The following BLNK variants were observed in gnomAD, a reference collection of about 807,000 sequenced individuals.
The protein encoded by BLNK is B cell linker.
Under a neutral mutation model 73.5 loss-of-function variants are expected in BLNK, and 29 were observed. The observed-to-expected ratio is 0.39, with a 90% CI of 0.29 to 0.54. The LOEUF (loss-of-function observed/expected upper bound fraction) is 0.54. Ranked by LOEUF, BLNK falls within the 20% of genes least tolerant of loss-of-function variation. The probability of loss-of-function intolerance (pLI) is 0.61; values close to 1 mark genes in which losing one functional copy is unlikely to be tolerated. For synonymous variants in BLNK, 176 were observed against 200.8 expected (o/e 0.88, Z 1.04); for missense variants, 460 against 562.8 (o/e 0.82, Z 1.85).
At chr10:96,203,064 C>T (rs2083689329) in intron 13 of BLNK, among the ~76,000 whole-genome samples, 1 of 152,194 alleles carries the variant, frequency 6.6e-6, no homozygotes, top group Non-Finnish European at 1.5e-5. Context: ...TTTTTACTCT[C>T]TGTCTCCTTC....
intron 3 of BLNK, among the ~76,000 whole-genome samples, chr10:96,236,011 A>G (rs1192678193): frequency 6.6e-6 from 1 of 152,088 alleles, no homozygotes; most frequent in African/African-American, 2.4e-5. Flanking sequence ...GAAAGACGAA[A>G]GCTGATCCAG....
intron 6 of BLNK, among the ~76,000 whole-genome samples, chr10:96,218,536 A>G (rs1414493696): frequency 6.6e-6 from 1 of 152,152 alleles, no homozygotes; most frequent in Non-Finnish European, 1.5e-5. Context: ...TACAAAAAAT[A>G]TAGAAAAATT....
chr10:96,230,328 G>A (rs186435900), intron 4 of BLNK, among the ~76,000 whole-genome samples: 1 of 152,252 alleles, frequency 6.6e-6, no homozygotes, highest in Admixed American at 6.5e-5. Flanking sequence ...GGAACTGCAA[G>A]TGACTGAAAC....
intron 5 of BLNK, among the ~76,000 whole-genome samples, chr10:96,227,183 A>G (rs954887401): frequency 6.6e-6 from 1 of 152,100 alleles, no homozygotes; most frequent in Non-Finnish European, 1.5e-5. Context: ...GCCTGCTTTC[A>G]ATGTTCCCAA....
intron 1 of BLNK, among the ~76,000 whole-genome samples, chr10:96,250,415 GGAGA>G (rs71486790): frequency 5.1e-4 from 73 of 143,496 alleles, no homozygotes; most frequent in African/African-American, 1.1e-3. Context: ...AGAGAGAGGG[GGAGA>G]GAGAGAGAGA....
At chr10:96,245,161 T>C (rs1399225365) in intron 2 of BLNK, among the ~76,000 whole-genome samples, 1 of 152,046 alleles carries the variant, frequency 6.6e-6, no homozygotes, top group Non-Finnish European at 1.5e-5. Context: ...TGTTTGATGA[T>C]GATCACTTAT....
rs901452552 is a variant in BLNK at position 96,192,123 on chromosome 10, T to G, written c.1252-31A>C. The G allele has an allele frequency of 4.3e-6, 7 of 1,612,308 alleles. No individual in the cohort carries two copies. In the Admixed American group the frequency reaches 8.3e-5, roughly 19 times the overall value. The stretch of plus-strand genomic sequence containing the variant: ...GGAAGAAAACATAGATGAATTATAC[T>G]TTGGCATTTGTGTTAAATTTGAGCT... On this transcript the variant is annotated intron_variant, in intron 16 of 16. Transcript: ENST00000224337.
rs587644623 is a variant in BLNK, at chr10:96,190,623, A to G, written c.*1350T>C. Among the ~76,000 whole-genome samples, 3 of 152,350 alleles carry G rather than the reference A, an allele frequency of 2.0e-5. No homozygotes were observed. The highest frequency in any genetic ancestry group is 1.3e-4 in the Admixed American group (2 of 15,310). ...TAGAAGTGAGTCATGAGTTACCCTG[A>G]AATTATTACCTTCTGGCCTTTCAAC... On this transcript the variant is annotated 3_prime_UTR_variant, in exon 17 of 17. Coordinates refer to ENST00000224337, the MANE Select transcript of BLNK (RefSeq NM_013314.4).
At chr10:96,230,365 C>T (rs587617619) in intron 4 of BLNK, among the ~76,000 whole-genome samples, 1 of 152,232 alleles carries the variant, frequency 6.6e-6, no homozygotes, top group East Asian at 1.9e-4. Context: ...CTGGAGGCCC[C>T]CTGATGTGCC....
intron 4 of BLNK, 29 bp from the exon 5 acceptor site, chr10:96,227,595 C>T: frequency 6.2e-7 from 1 of 1,613,370 alleles, no homozygotes; most frequent in Non-Finnish European, 8.5e-7. Context: ...ACACTGTGCT[C>T]AGCATCCCCG....
intron 16 of BLNK, 135 bp downstream of exon 16, chr10:96,196,773 T>C: frequency 1.2e-6 from 1 of 867,886 alleles, no homozygotes; most frequent in Non-Finnish European, 1.8e-6. Context: ...TATCTTGTTC[T>C]CTATGACATT....
At chr10:96,265,856 A>G (rs1173927411) in intron 1 of BLNK, among the ~76,000 whole-genome samples, 4 of 152,182 alleles carry the variant, frequency 2.6e-5, no homozygotes, top group Admixed American at 2.6e-4. Context: ...TGCCCTGTAC[A>G]ATGTAGGATG....
chr10:96,203,193 CT>C (rs1431210766), intron 13 of BLNK, among the ~76,000 whole-genome samples: 1 of 152,162 alleles, frequency 6.6e-6, no homozygotes, highest in African/African-American at 2.4e-5. Flanking sequence ...GAATGAATGA[CT>C]TGGTTTGAAA....
intron 1 of BLNK, among the ~76,000 whole-genome samples, chr10:96,259,975 G>A (rs1424363845): frequency 2.6e-5 from 4 of 152,118 alleles, no homozygotes; most frequent in Non-Finnish European, 4.4e-5. Context: ...TTTGTCACTT[G>A]ATTTGACAGC....
intron 3 of BLNK, among the ~76,000 whole-genome samples, chr10:96,235,864 G>A (rs587724752): frequency 5.3e-5 from 8 of 152,202 alleles, no homozygotes; most frequent in African/African-American, 1.4e-4. Flanking sequence ...GAGAGGGACA[G>A]GAGATTCTGC....
Position 96,196,969 on chromosome 10 carries a change from G to T in BLNK, c.1190C>A (p.Pro397His). The change falls in exon 16 of 17, where the codon CCT (proline) becomes CAT (histidine). Residue 397 changes from proline to histidine, a missense_variant. Pro to His is a moderately conservative substitution (Grantham distance 77). Coordinates refer to ENST00000224337, the MANE Select transcript of BLNK (RefSeq NM_013314.4). Reference protein sequence around the residue: ...VFFNKRVYNIPVRFIEATKQY... With the variant: ...VFFNKRVYNIHVRFIEATKQY... ...TTTTGTTGCTTCAATAAATCGCACA[G>T]GAATATTATATACTCGCTTATTAAA... is the stretch of plus-strand genomic sequence containing the variant. 1 of 1,613,440 alleles carries T rather than the reference G, an allele frequency of 6.2e-7. No homozygotes were observed. The highest frequency in any genetic ancestry group is 8.5e-7 in the Non-Finnish European group (1 of 1,179,716).
At chr10:96,252,816 G>A (rs1260529710) in intron 1 of BLNK, among the ~76,000 whole-genome samples, 2 of 152,110 alleles carry the variant, frequency 1.3e-5, no homozygotes, top group Non-Finnish European at 2.9e-5. Context: ...GGACCATTTT[G>A]CCATTGCTAT....
chr10:96,254,656 G>A (rs1591362620), intron 1 of BLNK, among the ~76,000 whole-genome samples: 1 of 151,956 alleles, frequency 6.6e-6, no homozygotes, highest in African/African-American at 2.4e-5. Flanking sequence ...GATTACAGGC[G>A]CCTGCCACCA....
In BLNK at chr10:96,256,405, A is replaced by G. The variant is rs1243038672; in HGVS notation, c.48-9356T>C. Among the ~76,000 whole-genome samples the G allele has an allele frequency of 2.6e-5, 4 of 152,336 alleles. No individual in the cohort carries two copies. In the South Asian group the frequency reaches 8.3e-4, roughly 32 times the overall value. Reference sequence around the variant, plus strand: ...TACATTTAAATGCATTTAATTTAAAAATAAAAAAATTAATGTTCATCATTA... The same window carrying G: ...TACATTTAAATGCATTTAATTTAAAGATAAAAAAATTAATGTTCATCATTA... On this transcript the variant is annotated intron_variant, in intron 1 of 16. Transcript: ENST00000224337.
Sources: allele counts gnomAD v4.1 joint callset (sites outside exome capture counted in the v4.1 genomes callset), GRCh38; gene constraint gnomAD v4.1.1; transcripts MANE v1.5; gene names NCBI Gene and HGNC (gene_info 2026-07-23, HGNC 2026-07-21).